MYT1: variants seen among roughly 807,000 people sequenced by gnomAD.
MYT1 encodes the protein myelin transcription factor I.
MYT1 carries 23 observed loss-of-function variants against 123.0 expected under a neutral mutation model. The ratio of observed to expected loss-of-function variants is 0.19; its 90% CI spans 0.13 to 0.26. MYT1 has a LOEUF of 0.26. Among genes scored for constraint, MYT1 ranks in the 10% least tolerant of loss-of-function variants. MYT1 has a pLI of 1.00. For synonymous variants in MYT1, 518 were observed against 575.3 expected (o/e 0.90, Z 1.43); for missense variants, 1,125 against 1,472.5 (o/e 0.76, Z 3.86).
chr20:64,211,480 A>C, intron 8 of MYT1, 140 bp downstream of exon 8: 1 of 885,782 alleles, frequency 1.1e-6, no homozygotes, highest in Non-Finnish European at 1.6e-6. Flanking sequence ...TCATCCTTAC[A>C]TCTCCCCGCT....
At position 64,232,700 on chromosome 20, in the gene MYT1, C is replaced by T. The variant is rs905961624; in HGVS notation, c.2897+315C>T. Among the ~76,000 whole-genome samples, 1 of 150,548 alleles carries T rather than the reference C, an allele frequency of 6.6e-6. No homozygotes were observed. The highest frequency in any genetic ancestry group is 6.6e-5 in the Admixed American group (1 of 15,204). On this transcript the variant is annotated intron_variant, in intron 19 of 22. Transcript: ENST00000328439. The surrounding 1 kb of genome is among the most constrained non-coding windows in gnomAD (Gnocchi z 6.9). ...CATGAGCAGAGCCCTGGGTCTGACA[C>T]TTACGTTCTCTTAACAGGCTGACAA...
chr20:64,240,044 C>G (rs2145739652), intron 22 of MYT1, 141 bp downstream of exon 22: 2 of 1,298,162 alleles, frequency 1.5e-6, no homozygotes, highest in Middle Eastern at 5.3e-4. Context: ...TTCTCTCCAC[C>G]CCGAATGGCC....
chr20:64,205,270 G>C (rs1164311214), intron 5 of MYT1, among the ~76,000 whole-genome samples, 173 bp downstream of exon 5: 1 of 140,612 alleles, frequency 7.1e-6, no homozygotes. Context: ...GTGGCCATGG[G>C]CGTGCCATGT....
rs1435708984 is a variant in MYT1 at position 64,191,197 on chromosome 20, C to T, written c.-1+1037C>T. Among the ~76,000 whole-genome samples, 1 of 152,168 alleles carries T rather than the reference C, an allele frequency of 6.6e-6. No homozygotes were observed. The highest frequency in any genetic ancestry group is 2.1e-4 in the South Asian group (1 of 4,824). On this transcript the variant is annotated intron_variant, in intron 2 of 22. Transcript: ENST00000328439. The surrounding 1 kb of genome is among the most constrained non-coding windows in gnomAD (Gnocchi z 4.1). ...GAAGTCTGTTGGCCTTGTTTTATTT[C>T]GATCTTCCTAAGGGGAGGCAGATGG...
At position 64,217,708 on chromosome 20, in the gene MYT1, G is replaced by C. The variant is rs537229465; in HGVS notation, c.1846+427G>C. 1.4e-3 allele frequency among the ~76,000 whole-genome samples: 209 copies of C among 152,368 alleles called. 4 individuals carry two copies. The South Asian group carries it at 0.014, about 10-fold the overall frequency. ...CCAGCCCTGCCTCTGGGGAGGGTCA[G>C]ACTGTGGGCTGGGTGGGGCCAGATG... On this transcript the variant is annotated intron_variant, in intron 11 of 22. Transcript: ENST00000328439.
intron 1 of MYT1, among the ~76,000 whole-genome samples, chr20:64,184,963 C>T (rs761385923): frequency 4.6e-5 from 7 of 152,286 alleles, no homozygotes; most frequent in South Asian, 2.1e-4. Context: ...AGACACGCAC[C>T]GCAGTGATGT....
At chr20:64,194,756 G>GCAAA (rs1983058227) in intron 2 of MYT1, among the ~76,000 whole-genome samples, 1 of 152,226 alleles carries the variant, frequency 6.6e-6, no homozygotes, top group African/African-American at 2.4e-5. Context: ...GCCTCTGGGG[G>GCAAA]CAAAGGTGGA....
chr20:64,178,415 C>A (rs1053578683), intron 1 of MYT1, among the ~76,000 whole-genome samples: 3 of 152,232 alleles, frequency 2.0e-5, no homozygotes, highest in Non-Finnish European at 4.4e-5. Context: ...TCTCGTTCGT[C>A]TGAAGTCGTT....
intron 13 of MYT1, among the ~76,000 whole-genome samples, chr20:64,221,011 C>G (rs1983985898): frequency 6.6e-6 from 1 of 152,216 alleles, no homozygotes; most frequent in African/African-American, 2.4e-5. Flanking sequence ...CAGGTCACCC[C>G]ATTTCATAGA....
In MYT1 at chr20:64,189,067, G is replaced by A. The variant is rs1982894632; in HGVS notation, c.-98-996G>A. ...CATTTCCAGATAAGAAGAGGGTGCT[G>A]TGGCCAGAGGCACAGGGCTGCCTGG... is the stretch of plus-strand genomic sequence containing the variant. On this transcript the variant is annotated intron_variant, in intron 1 of 22. Transcript: ENST00000328439. The surrounding 1 kb of genome is among the most constrained non-coding windows in gnomAD (Gnocchi z 5.5). 6.6e-6 allele frequency among the ~76,000 whole-genome samples: 1 copy of A among 152,250 alleles called. No homozygotes were observed. The highest frequency in any genetic ancestry group is 6.5e-5 in the Admixed American group (1 of 15,292).
intron 1 of MYT1, among the ~76,000 whole-genome samples, chr20:64,176,736 T>A (rs543852148): frequency 1.3e-5 from 2 of 152,210 alleles, no homozygotes; most frequent in Non-Finnish European, 2.9e-5. Context: ...GTGTGAGGCC[T>A]GGTCACATGG....
At chr20:64,235,189 CCGTGGTATGTGACCCCGGGATGGT>C (rs1984473960) in intron 19 of MYT1, among the ~76,000 whole-genome samples, 1 of 97,120 alleles carries the variant, frequency 1.0e-5, no homozygotes, top group Admixed American at 1.0e-4. Context: ...CCGGGGCTGG[CCGTGGTATGTGACCCCGGGATGGT>C]CATGGTGTGT....
intron 1 of MYT1, among the ~76,000 whole-genome samples, chr20:64,171,889 C>T (rs1026150389): frequency 6.6e-6 from 1 of 152,018 alleles, no homozygotes; most frequent in African/African-American, 2.4e-5. Flanking sequence ...ACCCTAACCC[C>T]CTACACCTCT....
rs779944235 is a variant in MYT1, at chr20:64,232,131, C to T, written c.2676-33C>T. 22 of 1,606,596 alleles carry T rather than the reference C, an allele frequency of 1.4e-5. No individual in the cohort carries two copies. The highest frequency in any genetic ancestry group is 4.0e-5 in the African/African-American group (3 of 74,790). ...CCAGGCTTCTCCTCCCAACCCTTCG[C>T]CCCTGTACTCACCCCGGCCTCTCTG... On this transcript the variant is annotated intron_variant, in intron 18 of 22. Transcript: ENST00000328439. The surrounding 1 kb of genome is among the most constrained non-coding windows in gnomAD (Gnocchi z 6.9).
In MYT1 at chr20:64,219,040, G is replaced by A. The variant is rs745815717; in HGVS notation, c.1971+5G>A. 2 of 1,609,442 alleles carry A rather than the reference G, an allele frequency of 1.2e-6. No individual in the cohort carries two copies. Among genetic ancestry groups the A allele is most frequent in the South Asian group, 1.1e-5 (1 of 90,822 alleles). Reference sequence around the variant, plus strand: ...CCACAGGACCTCCCCAGCAAGGTTAGTACATCTGCCACAGAGCCTTTCTTG... The same window carrying A: ...CCACAGGACCTCCCCAGCAAGGTTAATACATCTGCCACAGAGCCTTTCTTG... On this transcript the variant is annotated splice_donor_5th_base_variant and intron_variant, in intron 12 of 22. Coordinates refer to ENST00000328439, the MANE Select transcript of MYT1 (RefSeq NM_004535.3).
intron 1 of MYT1, among the ~76,000 whole-genome samples, chr20:64,179,783 G>A (rs1400182769): frequency 8.6e-5 from 13 of 151,920 alleles, no homozygotes; most frequent in Admixed American, 7.9e-4. Flanking sequence ...CTGGGAAGAC[G>A]TATGTGTGTA....
Position 64,185,649 on chromosome 20 carries a change from A to T in MYT1, c.-98-4414A>T, listed in dbSNP as rs1982778427. ...CATCCGGAGGCCCAGGGGATGCACCATGGGGGCAGGTGGGCTCAGGCCAGA... is the reference window on the plus strand; with the variant it reads ...CATCCGGAGGCCCAGGGGATGCACCTTGGGGGCAGGTGGGCTCAGGCCAGA... On this transcript the variant is annotated intron_variant, in intron 1 of 22. Transcript: ENST00000328439. This position sits in a 1 kb window ranked among gnomAD's most constrained non-coding sequence, Gnocchi z 4.5. Among the ~76,000 whole-genome samples the T allele has an allele frequency of 6.6e-6, 1 of 152,160 alleles. No individual in the cohort carries two copies. Among genetic ancestry groups the T allele is most frequent in the African/African-American group, 2.4e-5 (1 of 41,436 alleles).
intron 1 of MYT1, among the ~76,000 whole-genome samples, chr20:64,187,562 G>C (rs1273011947): frequency 6.6e-6 from 1 of 152,282 alleles, no homozygotes; most frequent in African/African-American, 2.4e-5. Flanking sequence ...GGTGCATGGG[G>C]ACTTAATGTG....
chr20:64,226,377 A>G lies in MYT1; in HGVS notation c.2529-1038A>G, dbSNP rs973201043. On this transcript the variant is annotated intron_variant, in intron 16 of 22. Coordinates refer to ENST00000328439, the MANE Select transcript of MYT1 (RefSeq NM_004535.3). ...TCCAAGCGAGGAGATGTCCTGTCCC[A>G]GTGGCCGGATGTCACATGTGCTGGT... Among the ~76,000 whole-genome samples, 4 of 152,236 alleles carry G rather than the reference A, an allele frequency of 2.6e-5. 1 individual carries two copies. The highest frequency in any genetic ancestry group is 1.3e-4 in the Admixed American group (2 of 15,288).
Sources: gnomAD v4.1 joint callset for allele counts (sites outside exome capture counted in the v4.1 genomes callset) on GRCh38, gnomAD v4.1.1 for gene constraint, Gnocchi (gnomAD v3.1) non-coding constraint, MANE v1.5 for transcripts, NCBI Gene and HGNC (gene_info 2026-07-23, HGNC 2026-07-21) for gene names.